ADPRHL1: variants seen among roughly 807,000 people sequenced by gnomAD.
The protein encoded by ADPRHL1 is inactive ADP-ribosyltransferase ARH2.
Under a neutral mutation model 44.1 loss-of-function variants are expected in ADPRHL1, and 43 were observed. That is an observed-to-expected ratio of 0.98 (90% CI 0.76 to 1.26). ADPRHL1 has a LOEUF of 1.26. ADPRHL1 is among the 50% of genes most tolerant of loss of function. ADPRHL1 has a pLI of 0.00. For missense variants in ADPRHL1, 2,022 were observed against 2,496.9 expected (o/e 0.81, Z 4.05); for synonymous variants, 878 against 1,017.4 (o/e 0.86, Z 2.61).
chr13:113,451,133 G>A (rs1458024194), intron 1 of ADPRHL1, among the ~76,000 whole-genome samples: 1 of 152,176 alleles, frequency 6.6e-6, no homozygotes, highest in African/African-American at 2.4e-5. Flanking sequence ...CTTGTCTTCT[G>A]GTCACACCTC....
intron 7 of ADPRHL1, chr13:113,422,175 T>C (rs1223648238): frequency 1.3e-5 from 2 of 152,240 alleles, no homozygotes; most frequent in Non-Finnish European, 2.9e-5. Context: ...ACGCCGGAGC[T>C]GGCAGGAGGC....
At chr13:113,434,941 T>C (rs79304534) in intron 2 of ADPRHL1, among the ~76,000 whole-genome samples, 5 of 64,796 alleles carry the variant, frequency 7.7e-5, no homozygotes, top group Admixed American at 1.6e-4. Flanking sequence ...GGCACCCAGG[T>C]GTAGAGTGAA....
chr13:113,417,993 T>A (rs9549782), intron 7 of ADPRHL1, among the ~76,000 whole-genome samples: 68,699 of 151,972 alleles, frequency 0.45, 15,996 homozygotes, highest in Middle Eastern at 0.52. Flanking sequence ...CCAAAACAGG[T>A]GGCATTGGCT....
At chr13:113,429,744 G>A (rs554506634) in intron 3 of ADPRHL1, among the ~76,000 whole-genome samples, 70 of 152,340 alleles carry the variant, frequency 4.6e-4, no homozygotes, top group Admixed American at 1.0e-3. Context: ...ACACTCAGGC[G>A]TTTCCTGTGC....
intron 7 of ADPRHL1, among the ~76,000 whole-genome samples, chr13:113,411,788 G>A (rs767494793): frequency 9.2e-5 from 14 of 152,244 alleles, no homozygotes; most frequent in African/African-American, 2.7e-4. Context: ...CGCCCTTGGC[G>A]GGAGCGAGAG....
At position 113,429,074 on chromosome 13, in the gene ADPRHL1, C is replaced by T; in HGVS notation, c.524G>A (p.Cys175Tyr). The T allele has an allele frequency of 6.2e-7, 1 of 1,611,372 alleles. No individual in the cohort carries two copies. Among genetic ancestry groups the T allele is most frequent in the Non-Finnish European group, 8.5e-7 (1 of 1,179,462 alleles). ...GGCGAACGACACAAACAGGGCCGTG[C>T]ACAGGGAGCCCAGGAAGCCTGGAGG... ...NHPTGFLGSL[C>Y]TALFVSFAAQ... Residue 175 changes from cysteine to tyrosine, a missense_variant, in exon 4 of 8, where the codon TGC becomes TAC. Physicochemically the swap from Cys to Tyr is radical, Grantham distance 194. Coordinates refer to ENST00000612156, the MANE Select transcript of ADPRHL1 (RefSeq NM_001394807.1).
chr13:113,437,104 C>A (rs1212140148), intron 2 of ADPRHL1, among the ~76,000 whole-genome samples: 1 of 144,280 alleles, frequency 6.9e-6, no homozygotes, highest in South Asian at 2.3e-4. Flanking sequence ...CATAGGTGTA[C>A]CCCGGGACCC....
At chr13:113,438,279 G>A in intron 2 of ADPRHL1, among the ~76,000 whole-genome samples, 1 of 152,168 alleles carries the variant, frequency 6.6e-6, no homozygotes, top group East Asian at 1.9e-4. Context: ...TTATGTAATG[G>A]TATCTCATTG....
rs531652987 is a variant in ADPRHL1 at position 113,406,809 on chromosome 13, C to G, written c.2473G>C (p.Ala825Pro). The G allele has an allele frequency of 1.1e-5, 13 of 1,232,014 alleles. No individual in the cohort carries two copies. In the South Asian group the frequency reaches 5.3e-4, roughly 51 times the overall value. The allele number at this position is 1,232,014 out of a possible 1,614,324, so 76.3% of individuals were successfully genotyped here. A position where few individuals can be genotyped will look rare whatever the true frequency, so the allele number is the denominator to read the frequency against. The stretch of plus-strand genomic sequence containing the variant: ...CTCCGAGCAGCCTGGACCGATGGAG[C>G]GTTCAGGGGTGGGATGTGCTCCGGC... ...KVPEHIPPLN[A>P]PSVQAARRTQ... The change falls in exon 8 of 8, where the codon GCT becomes CCT. Residue 825 changes from alanine to proline, a missense_variant. By Grantham distance (27) the Ala-to-Pro change is conservative. This residue lies in a region of ADPRHL1 where 1,221 missense variants were observed against 1,517.8 expected (regional missense o/e 0.80). Coordinates refer to ENST00000612156, the MANE Select transcript of ADPRHL1 (RefSeq NM_001394807.1).
chr13:113,453,431 T>A lies in ADPRHL1; in HGVS notation c.7A>T (p.Lys3Ter). 6.2e-7 allele frequency: 1 copy of A among 1,614,042 alleles called. No homozygotes were observed. Among genetic ancestry groups the A allele is most frequent in the Non-Finnish European group, 8.5e-7 (1 of 1,180,024 alleles). ...CCCAGCAACATCGCAGCCTTAAATT[T>A]CTCCATCCCAGGAGGCAGCTCCTCT... is the stretch of plus-strand genomic sequence containing the variant. The part of the protein sequence containing the change: ME[K>*]FKAAMLLGSV... Residue 3 changes from lysine (K) to a stop codon, truncating the protein, a stop_gained, in exon 1 of 8, where the codon AAA (lysine) becomes TAA (stop). Coordinates refer to ENST00000612156, the MANE Select transcript of ADPRHL1 (RefSeq NM_001394807.1). LOFTEE classifies it high-confidence loss of function. The surrounding 1 kb of genome is among the most constrained non-coding windows in gnomAD (Gnocchi z 5.4).
At chr13:113,417,707 A>G (rs1335129814) in intron 7 of ADPRHL1, among the ~76,000 whole-genome samples, 2 of 68,324 alleles carry the variant, frequency 2.9e-5, no homozygotes, top group Non-Finnish European at 6.6e-5. Context: ...TGAGCTGATA[A>G]CTTATTTCTG....
At chr13:113,411,693 G>T (rs952238525) in intron 7 of ADPRHL1, among the ~76,000 whole-genome samples, 2 of 152,252 alleles carry the variant, frequency 1.3e-5, no homozygotes, top group Non-Finnish European at 2.9e-5. Context: ...GAGCTACAAA[G>T]TCCTCTTTGG....
Position 113,400,292 on chromosome 13 carries a change from C to CCTG in ADPRHL1, c.*3085_*3086insCAG, listed in dbSNP as rs2043749540. ...TCCCGAGTAGCTGGGACTACAGGCA[C>CCTG]CCACCACCACGCCCGGCTAATTTTT... On this transcript the variant is annotated 3_prime_UTR_variant, in exon 8 of 8. Transcript: ENST00000612156. 1 of 150,092 alleles carries CCTG rather than the reference C, an allele frequency of 6.7e-6. No homozygotes were observed. Among genetic ancestry groups the CCTG allele is most frequent in the African/African-American group, 2.4e-5 (1 of 40,936 alleles). 9.3% of individuals were successfully genotyped at this position (150,092 alleles called of 1,614,324 possible).
rs147653068 is a variant in ADPRHL1, at chr13:113,403,401, C to G, written c.5881G>C (p.Asp1961His). Residue 1961 changes from aspartate (D) to histidine (H), a missense_variant, in exon 8 of 8, where the codon GAC (aspartate) becomes CAC (histidine). Asp to His is a moderately conservative substitution (Grantham distance 81). This residue lies in a region of ADPRHL1 where 205 missense variants were observed against 250.1 expected (regional missense o/e 0.82). Transcript: ENST00000612156. ...SFRPMSVRAS[D>H]TSELPK Reference sequence around the variant, plus strand: ...CCTCACTTTGGGAGCTCAGACGTGTCGCTGGCCCTGACGCTCATTGGTCTG... The same window carrying G: ...CCTCACTTTGGGAGCTCAGACGTGTGGCTGGCCCTGACGCTCATTGGTCTG... 7 of 1,231,952 alleles carry G rather than the reference C, an allele frequency of 5.7e-6. No individual in the cohort carries two copies. Among genetic ancestry groups the G allele is most frequent in the African/African-American group, 1.6e-5 (1 of 64,402 alleles). The allele number at this position is 1,231,952 out of a possible 1,614,324, so 76.3% of individuals were successfully genotyped here.
chr13:113,437,107 C>T (rs1489103578), intron 2 of ADPRHL1, among the ~76,000 whole-genome samples: 3 of 139,262 alleles, frequency 2.2e-5, no homozygotes, highest in Admixed American at 7.1e-5. Flanking sequence ...AGGTGTACCC[C>T]GGGACCCAGC....
rs904916105 is a variant in ADPRHL1, at chr13:113,400,662, C to T, written c.*2716G>A. The T allele has an allele frequency of 6.6e-5, 10 of 152,356 alleles. No individual in the cohort carries two copies. Among genetic ancestry groups the T allele is most frequent in the South Asian group, 6.2e-4 (3 of 4,826 alleles). The allele number at this position is 152,356 out of a possible 1,614,324, so 9.4% of individuals were successfully genotyped here. On this transcript the variant is annotated 3_prime_UTR_variant, in exon 8 of 8. Transcript: ENST00000612156. ...CTGCGCTGTCTCAGCTTAGTGTGAA[C>T]GTACGGACCGTTCTCAAATCCTGGT...
chr13:113,422,767 C>A, intron 7 of ADPRHL1, 59 bp downstream of exon 7: 1 of 1,602,742 alleles, frequency 6.2e-7, no homozygotes, highest in Non-Finnish European at 8.5e-7. Context: ...GCGAGAGGGC[C>A]CTACGGGCCC....
At chr13:113,417,618 G>A (rs2139609548) in intron 7 of ADPRHL1, among the ~76,000 whole-genome samples, 1 of 152,312 alleles carries the variant, frequency 6.6e-6, no homozygotes, top group Middle Eastern at 3.4e-3. Context: ...CGCTGCTCGG[G>A]GTGTGGCACA....
chr13:113,448,850 G>A (rs981879739), intron 1 of ADPRHL1: 1 of 711,610 alleles, frequency 1.4e-6, no homozygotes, highest in East Asian at 1.3e-4. Context: ...GTGACCTTGT[G>A]AGGGAGGAAG....
Sources: allele counts gnomAD v4.1 joint callset (sites outside exome capture counted in the v4.1 genomes callset), GRCh38; gene constraint gnomAD v4.1.1; regional missense constraint gnomAD v4.1.1; non-coding constraint Gnocchi (gnomAD v3.1); transcripts MANE v1.5; gene names NCBI Gene and HGNC (gene_info 2026-07-23, HGNC 2026-07-21).